Variants in MYLK observed in about 807,000 individuals in gnomAD.
MYLK encodes myosin light chain kinase.
MYLK carries 106 observed loss-of-function variants against 203.4 expected under a neutral mutation model. The ratio of observed to expected loss-of-function variants is 0.52; its 90% CI spans 0.45 to 0.61. MYLK has a LOEUF of 0.61. MYLK is among the 20% of genes least tolerant of loss of function. The probability of loss-of-function intolerance (pLI) is 0.00; values close to 1 mark genes in which losing one functional copy is unlikely to be tolerated. For missense variants in MYLK, 2,072 were observed against 2,442.3 expected (o/e 0.85, Z 3.20); for synonymous variants, 867 against 959.5 (o/e 0.90, Z 1.78).
intron 13 of MYLK, among the ~76,000 whole-genome samples, chr3:123,718,204 A>G (rs145685314): frequency 2.1e-4 from 32 of 152,114 alleles, no homozygotes; most frequent in African/African-American, 7.7e-4. Flanking sequence ...TTTCCTGCAC[A>G]CCCTAATGGG....
intron 29 of MYLK, among the ~76,000 whole-genome samples, chr3:123,633,657 C>T (rs2058524526): frequency 6.6e-6 from 1 of 152,160 alleles, no homozygotes; most frequent in Non-Finnish European, 1.5e-5. Flanking sequence ...AAATATTAGT[C>T]TTTGTGCTGA....
At chr3:123,631,712 A>AAT (rs1553775438) in intron 29 of MYLK, among the ~76,000 whole-genome samples, 3 of 151,440 alleles carry the variant, frequency 2.0e-5, no homozygotes, top group Non-Finnish European at 1.5e-5. Context: ...TGTGGATGGG[A>AAT]TTTTTTTTTA....
chr3:123,810,375 C>T (rs1164696073), intron 3 of MYLK, among the ~76,000 whole-genome samples: 1 of 152,208 alleles, frequency 6.6e-6, no homozygotes, highest in African/African-American at 2.4e-5. Flanking sequence ...ATCTGCATCT[C>T]CCTGTGAGCC....
chr3:123,846,124 T>C lies in MYLK; in HGVS notation c.-126-14454A>G, dbSNP rs148641901. Among the ~76,000 whole-genome samples the C allele has an allele frequency of 1.7e-4, 26 of 152,354 alleles. No homozygotes were observed. In the East Asian group the frequency reaches 4.8e-3, roughly 28 times the overall value. ...TTTTAATGGTGAAAGATTTCTATCA[T>C]AGCGACAAAACGGATTCTTGATTAA... On this transcript the variant is annotated intron_variant, in intron 2 of 33. Transcript: ENST00000360304.
At position 123,612,103 on chromosome 3, in the gene MYLK, A is replaced by G. The variant is rs1030970783; in HGVS notation, c.*2002T>C. On this transcript the variant is annotated 3_prime_UTR_variant, in exon 34 of 34. Coordinates refer to ENST00000360304, the MANE Select transcript of MYLK (RefSeq NM_053025.4). ...AGTACTAAGCTGATGCTCAAGAGAA[A>G]TTTTGAACTAAATGTGTAAATTCGG... 21 of 152,606 alleles carry G rather than the reference A, an allele frequency of 1.4e-4. No homozygotes were observed. Among genetic ancestry groups the G allele is most frequent in the African/African-American group, 5.1e-4 (21 of 41,452 alleles). The allele number at this position is 152,606 out of a possible 1,614,324, so 9.5% of individuals were successfully genotyped here.
intron 14 of MYLK, 23 bp from the exon 15 acceptor site, chr3:123,708,918 G>C: frequency 6.2e-7 from 1 of 1,611,512 alleles, no homozygotes; most frequent in East Asian, 2.2e-5. Flanking sequence ...GAGGGGAAGG[G>C]GGATTGGTTA....
At chr3:123,763,118 T>C (rs2063587901) in intron 4 of MYLK, among the ~76,000 whole-genome samples, 1 of 152,216 alleles carries the variant, frequency 6.6e-6, no homozygotes, top group African/African-American at 2.4e-5. Context: ...CCACATAGTA[T>C]ATTACAATAA....
chr3:123,639,271 T>A (rs2058748408), intron 28 of MYLK, among the ~76,000 whole-genome samples: 2 of 152,216 alleles, frequency 1.3e-5, no homozygotes, highest in Admixed American at 1.3e-4. Flanking sequence ...CCGAGGCATG[T>A]TTCTCACCTG....
intron 4 of MYLK, among the ~76,000 whole-genome samples, chr3:123,769,212 C>T (rs1221259418): frequency 2.6e-5 from 4 of 152,092 alleles, no homozygotes; most frequent in African/African-American, 4.8e-5. Flanking sequence ...GAGAGATTTA[C>T]GAGCAGCCTC....
chr3:123,788,104 C>T (rs1286773095), intron 4 of MYLK, among the ~76,000 whole-genome samples: 1 of 152,098 alleles, frequency 6.6e-6, no homozygotes, highest in South Asian at 2.1e-4. Context: ...GTCAGATCCA[C>T]GTGGTAGGAA....
intron 23 of MYLK, chr3:123,659,644 A>G (rs191753002): frequency 2.6e-4 from 132 of 516,780 alleles, no homozygotes; most frequent in Admixed American, 1.1e-3. Context: ...TTTCTAAGCT[A>G]TGAGCCCCAT....
chr3:123,810,555 G>C (rs1225222029), intron 3 of MYLK, among the ~76,000 whole-genome samples: 1 of 152,228 alleles, frequency 6.6e-6, no homozygotes, highest in East Asian at 1.9e-4. Flanking sequence ...CCAGCTCTAA[G>C]CCTGGCCCTG....
chr3:123,860,180 A>T (rs2031767764), intron 2 of MYLK, among the ~76,000 whole-genome samples: 3 of 152,252 alleles, frequency 2.0e-5, no homozygotes, highest in Admixed American at 1.3e-4. Context: ...TTCTGCAGAC[A>T]GCAGAGCAGT....
chr3:123,648,886 C>A lies in MYLK; in HGVS notation c.4415+85G>T, dbSNP rs1184492594. The A allele has an allele frequency of 2.9e-5, 34 of 1,180,520 alleles. No individual in the cohort carries two copies. Among genetic ancestry groups the A allele is most frequent in the Non-Finnish European group, 4.2e-5 (33 of 790,704 alleles). The allele number at this position is 1,180,520 out of a possible 1,614,324, so 73.1% of individuals were successfully genotyped here. ...GGAGGAGGCAGGCCCCAGGGAGCAA[C>A]AGGAAGCTGAGGCACTGAATCTAAC... On this transcript the variant is annotated intron_variant, in intron 26 of 33. Transcript: ENST00000360304. This position sits in a 1 kb window ranked among gnomAD's most constrained non-coding sequence, Gnocchi z 4.5.
chr3:123,756,158 C>T (rs769277059), intron 4 of MYLK, among the ~76,000 whole-genome samples: 3 of 152,212 alleles, frequency 2.0e-5, no homozygotes, highest in Non-Finnish European at 2.9e-5. Context: ...TGGTTGTCTC[C>T]ATGCCTCATC....
chr3:123,665,588 G>A (rs903988133), intron 22 of MYLK, among the ~76,000 whole-genome samples: 8 of 152,304 alleles, frequency 5.3e-5, no homozygotes, highest in African/African-American at 1.9e-4. Context: ...GGTCTCTGCT[G>A]ATCATGCATA....
At chr3:123,858,941 T>G (rs1177145769) in intron 2 of MYLK, among the ~76,000 whole-genome samples, 1 of 152,230 alleles carries the variant, frequency 6.6e-6, no homozygotes, top group African/African-American at 2.4e-5. Context: ...GGCTTGTCCC[T>G]AAAACCGGTT....
chr3:123,686,370 G>GC (rs1553796925), intron 19 of MYLK, among the ~76,000 whole-genome samples: 1 of 147,796 alleles, frequency 6.8e-6, no homozygotes, highest in Non-Finnish European at 1.5e-5. Context: ...TCTGGGCAGC[G>GC]TTTTTTTTTT....
chr3:123,680,115 C>T (rs574097243), intron 20 of MYLK, among the ~76,000 whole-genome samples: 13 of 152,332 alleles, frequency 8.5e-5, no homozygotes, highest in Admixed American at 6.5e-4. Flanking sequence ...TAACACACAG[C>T]CAGGGGTGCG....
Sources: gnomAD v4.1 joint callset for allele counts (sites outside exome capture counted in the v4.1 genomes callset) on GRCh38, gnomAD v4.1.1 for gene constraint, Gnocchi (gnomAD v3.1) non-coding constraint, MANE v1.5 for transcripts, NCBI Gene and HGNC (gene_info 2026-07-23, HGNC 2026-07-21) for gene names.